CDH13: variants seen among roughly 807,000 people sequenced by gnomAD.
The protein encoded by CDH13 is cadherin-13.
CDH13 carries 24 observed loss-of-function variants against 63.8 expected under a neutral mutation model. That is an observed-to-expected ratio of 0.38 (90% CI 0.27 to 0.53). The LOEUF (loss-of-function observed/expected upper bound fraction) is 0.53, where lower values mean the gene tolerates loss of function less well. Ranked by LOEUF, CDH13 falls within the 20% of genes least tolerant of loss-of-function variation. The pLI is 0.85. For synonymous variants in CDH13, 503 were observed against 355.3 expected (o/e 1.42, Z -4.67); for missense variants, 1,049 against 903.1 (o/e 1.16, Z -2.07).
Position 82,924,543 on chromosome 16 carries a change from C to T in CDH13, c.157+66070C>T, listed in dbSNP as rs141642101. ...TGCCGCTTGTTACTTGGAGCCATTA[C>T]TTCCTATCTGTGTTGTCAATCGTGT... On this transcript the variant is annotated intron_variant, in intron 2 of 13. Coordinates refer to ENST00000567109, the MANE Select transcript of CDH13 (RefSeq NM_001257.5). 2.4e-3 allele frequency among the ~76,000 whole-genome samples: 370 copies of T among 152,240 alleles called. 1 individual carries two copies. The highest frequency in any genetic ancestry group is 8.6e-3 in the African/African-American group (356 of 41,550).
At chr16:83,253,318 C>T (rs914956884) in intron 5 of CDH13, among the ~76,000 whole-genome samples, 5 of 152,180 alleles carry the variant, frequency 3.3e-5, no homozygotes, top group African/African-American at 1.2e-4. Flanking sequence ...GTCGCACCTG[C>T]AGTGGATTCG....
chr16:83,145,162 T>C (rs1200703689), intron 4 of CDH13, among the ~76,000 whole-genome samples: 1 of 152,190 alleles, frequency 6.6e-6, no homozygotes, highest in Non-Finnish European at 1.5e-5. Context: ...GGACATCCAA[T>C]TCGGCTTTAA....
intron 6 of CDH13, among the ~76,000 whole-genome samples, chr16:83,360,649 C>G (rs572365161): frequency 6.1e-4 from 93 of 152,232 alleles, no homozygotes; most frequent in African/African-American, 2.2e-3. Flanking sequence ...CTGTTATTGC[C>G]ATTTTTATGT....
chr16:83,036,294 C>T (rs775737419), intron 3 of CDH13, among the ~76,000 whole-genome samples: 8 of 151,924 alleles, frequency 5.3e-5, no homozygotes, highest in Non-Finnish European at 1.0e-4. Flanking sequence ...AGATTACAGG[C>T]ACCCACCACC....
intron 4 of CDH13, among the ~76,000 whole-genome samples, chr16:83,145,274 T>C (rs1448617060): frequency 6.6e-6 from 1 of 152,182 alleles, no homozygotes; most frequent in African/African-American, 2.4e-5. Flanking sequence ...TGTTGGCTGC[T>C]GATCATTGAG....
At chr16:83,317,802 G>GAA (rs746277121) in intron 5 of CDH13, among the ~76,000 whole-genome samples, 3 of 133,010 alleles carry the variant, frequency 2.3e-5, no homozygotes, top group Non-Finnish European at 3.3e-5. Context: ...TCTGTCTCAA[G>GAA]AAAAAAAAAA....
chr16:83,770,635 T>G (rs951406694), intron 11 of CDH13, among the ~76,000 whole-genome samples: 1 of 152,230 alleles, frequency 6.6e-6, no homozygotes, highest in Admixed American at 6.5e-5. Flanking sequence ...TTATTGATGA[T>G]ATGCTAAACA....
At chr16:83,737,557 T>G (rs1226976485) in intron 10 of CDH13, among the ~76,000 whole-genome samples, 1 of 152,194 alleles carries the variant, frequency 6.6e-6, no homozygotes, top group Non-Finnish European at 1.5e-5. Context: ...AGTCCTATGT[T>G]CCTGAGTTAT....
At chr16:83,020,127 C>T (rs977770272) in intron 2 of CDH13, among the ~76,000 whole-genome samples, 6 of 152,190 alleles carry the variant, frequency 3.9e-5, no homozygotes, top group Non-Finnish European at 7.3e-5. Context: ...TAGATCAGAA[C>T]ATCGCTATGT....
At chr16:82,633,024 G>T (rs116566532) in intron 1 of CDH13, among the ~76,000 whole-genome samples, 6 of 152,282 alleles carry the variant, frequency 3.9e-5, no homozygotes, top group African/African-American at 1.4e-4. Context: ...GAGCCCAGGC[G>T]GTAATGCGAG....
chr16:83,530,410 G>C (rs1436517213), intron 7 of CDH13, among the ~76,000 whole-genome samples: 1 of 152,162 alleles, frequency 6.6e-6, no homozygotes, highest in African/African-American at 2.4e-5. Flanking sequence ...GCTGTCTAAA[G>C]TTGCTTCGTA....
chr16:82,642,538 C>T (rs1246086212), intron 1 of CDH13, among the ~76,000 whole-genome samples: 2 of 152,118 alleles, frequency 1.3e-5, no homozygotes, highest in African/African-American at 2.4e-5. Context: ...GTTAAATGTG[C>T]ATATGATGAG....
At chr16:83,694,747 G>A (rs1287374946) in intron 10 of CDH13, among the ~76,000 whole-genome samples, 1 of 152,174 alleles carries the variant, frequency 6.6e-6, no homozygotes, top group Non-Finnish European at 1.5e-5. Context: ...GTGGCTCTGG[G>A]CAGACCATCA....
chr16:82,882,767 A>G (rs1014880564), intron 2 of CDH13, among the ~76,000 whole-genome samples: 2 of 152,038 alleles, frequency 1.3e-5, no homozygotes, highest in African/African-American at 4.8e-5. Context: ...TTAAAAATTT[A>G]TTCATACGCT....
chr16:83,284,325 T>C (rs2089256510), intron 5 of CDH13, among the ~76,000 whole-genome samples: 1 of 152,182 alleles, frequency 6.6e-6, no homozygotes. Flanking sequence ...GCTGTTTGAC[T>C]TTGAGCAAAT....
chr16:83,799,299 C>CAAAAAAAA lies in CDH13; in HGVS notation c.*4283_*4290dup, dbSNP rs11349889. On this transcript the variant is annotated 3_prime_UTR_variant, in exon 14 of 14. Coordinates refer to ENST00000567109, the MANE Select transcript of CDH13 (RefSeq NM_001257.5). ...CCTGGGCAACAGAGCAAGACTCCGT[C>CAAAAAAAA]AAAAAAAAAAAAAAAAAAAAAGAAA... The CAAAAAAAA allele has an allele frequency of 3.6e-5, 4 of 110,186 alleles. No individual in the cohort carries two copies. The highest frequency in any genetic ancestry group is 7.4e-5 in the Non-Finnish European group (4 of 53,754). 6.8% of individuals were successfully genotyped at this position (110,186 alleles called of 1,614,324 possible).
At chr16:83,794,316 G>T (rs1646014439) in intron 13 of CDH13, among the ~76,000 whole-genome samples, 1 of 152,200 alleles carries the variant, frequency 6.6e-6, no homozygotes, top group African/African-American at 2.4e-5. Flanking sequence ...ACTTTGGGAG[G>T]CCAAGATGGG....
At chr16:83,130,292 C>G (rs1006318796) in intron 4 of CDH13, among the ~76,000 whole-genome samples, 2 of 152,180 alleles carry the variant, frequency 1.3e-5, no homozygotes, top group African/African-American at 4.8e-5. Context: ...GTGACGTAAC[C>G]TGTCCAAAGC....
chr16:83,042,671 G>C (rs149030404), intron 3 of CDH13, among the ~76,000 whole-genome samples: 2 of 152,170 alleles, frequency 1.3e-5, no homozygotes, highest in African/African-American at 2.4e-5. Flanking sequence ...GCCGAAAAAG[G>C]CTGGGGACTG....
Sources: gnomAD v4.1 joint callset for allele counts (sites outside exome capture counted in the v4.1 genomes callset) on GRCh38, gnomAD v4.1.1 for gene constraint, MANE v1.5 for transcripts, NCBI Gene and HGNC (gene_info 2026-07-23, HGNC 2026-07-21) for gene names.